Variants in SH3YL1 observed in about 807,000 individuals in gnomAD.
SH3YL1 encodes SH3 and SYLF domain containing 1, also known as SH3 domain-containing YSC84-like protein 1.
A neutral mutation model predicts 45.8 loss-of-function variants in SH3YL1; 41 were observed. That is an observed-to-expected ratio of 0.89 (90% CI 0.70 to 1.16). The LOEUF (loss-of-function observed/expected upper bound fraction) is 1.16. Ranked by LOEUF, SH3YL1 falls within the 50% of genes most tolerant of loss-of-function variation. The pLI is 0.00. For missense variants in SH3YL1, 389 were observed against 409.6 expected, an observed-to-expected ratio of 0.95 and a Z score of 0.43; for synonymous variants, 152 against 151.4, an observed-to-expected ratio of 1.00 and a Z score of -0.03.
intron 1 of SH3YL1, 119 bp downstream of exon 1, chr2:263,865 A>T: frequency 1.2e-6 from 1 of 845,828 alleles, no homozygotes; most frequent in Non-Finnish European, 1.9e-6. Flanking sequence ...TGCGGTTAAC[A>T]GACGCGCGAC....
At chr2:246,858 CA>C (rs758779452) in intron 4 of SH3YL1, among the ~76,000 whole-genome samples, 103 of 152,208 alleles carry the variant, frequency 6.8e-4, no homozygotes, top group Non-Finnish European at 1.2e-3. Flanking sequence ...AGGGAATTTA[CA>C]ACTATGTCAA....
intron 4 of SH3YL1, among the ~76,000 whole-genome samples, chr2:243,216 G>A (rs897766810): frequency 1.3e-5 from 2 of 152,050 alleles, no homozygotes. Flanking sequence ...CAATAACACA[G>A]AACACACATT....
At chr2:253,487 C>T (rs376259919) in intron 1 of SH3YL1, among the ~76,000 whole-genome samples, 5 of 152,220 alleles carry the variant, frequency 3.3e-5, no homozygotes, top group African/African-American at 1.2e-4. Flanking sequence ...CCAAAAGACA[C>T]TCCCACCAGC....
At position 247,568 on chromosome 2, in the gene SH3YL1, G is replaced by A. The variant is rs1668879509; in HGVS notation, c.261C>T (p.Gly87=). ...WSAPSAIGIA[G]LGGGFEIGIE... ...TTCCTATTTCAAATCCTCCACCAAG[G>A]CCAGCTATCCCAATGGCTGAGGGTG... Residue 87 remains glycine (G), a synonymous_variant, in exon 4 of 10, where the codon GGC becomes GGT. Coordinates refer to ENST00000356150, the MANE Select transcript of SH3YL1 (RefSeq NM_015677.4). 2.6e-6 allele frequency: 4 copies of A among 1,551,642 alleles called. No individual in the cohort carries two copies. In the East Asian group the frequency reaches 7.3e-5, roughly 28 times the overall value.
Position 232,013 on chromosome 2 carries a change from G to A in SH3YL1, c.534-822C>T, listed in dbSNP as rs538169636. Reference sequence around the variant, plus strand: ...TCTGCCACGCGTGGCGAATTTGAATGGCCAATGCCAGCAGTGCCAGCCGAT... The same window carrying A: ...TCTGCCACGCGTGGCGAATTTGAATAGCCAATGCCAGCAGTGCCAGCCGAT... On this transcript the variant is annotated intron_variant, in intron 6 of 9. Transcript: ENST00000356150. Among the ~76,000 whole-genome samples, 13 of 151,774 alleles carry A rather than the reference G, an allele frequency of 8.6e-5. No homozygotes were observed. In the South Asian group the frequency reaches 2.5e-3, roughly 29 times the overall value.
At position 230,941 on chromosome 2, in the gene SH3YL1, A is replaced by C. The variant is rs749645568; in HGVS notation, c.702+82T>G. The stretch of plus-strand genomic sequence containing the variant: ...TACGAAGGAGGCTTAGTAGGTTCTT[A>C]GGAACCTGATATCAGGGACAGAATG... On this transcript the variant is annotated intron_variant, in intron 7 of 9. Coordinates refer to ENST00000356150, the MANE Select transcript of SH3YL1 (RefSeq NM_015677.4). 10 of 1,392,916 alleles carry C rather than the reference A, an allele frequency of 7.2e-6. No homozygotes were observed. In the South Asian group the frequency reaches 1.1e-4, roughly 15 times the overall value. 86.3% of individuals were successfully genotyped at this position (1,392,916 alleles called of 1,614,324 possible).
intron 3 of SH3YL1, among the ~76,000 whole-genome samples, chr2:249,399 A>G: frequency 6.6e-6 from 1 of 152,256 alleles, no homozygotes; most frequent in East Asian, 1.9e-4. Context: ...CATGAAGTTG[A>G]GGAATAAGAA....
At chr2:253,502 T>C (rs1669170153) in intron 1 of SH3YL1, among the ~76,000 whole-genome samples, 1 of 152,232 alleles carries the variant, frequency 6.6e-6, no homozygotes, top group African/African-American at 2.4e-5. Flanking sequence ...ACCAGCGCCA[T>C]GACAGTTTAC....
intron 3 of SH3YL1, among the ~76,000 whole-genome samples, chr2:248,373 C>A (rs1668928130): frequency 6.6e-6 from 1 of 152,022 alleles, no homozygotes; most frequent in Non-Finnish European, 1.5e-5. Context: ...CCAGAACTAT[C>A]CTACCCAGGC....
Position 218,713 on chromosome 2 carries a change from G to GT in SH3YL1, c.*97dup, listed in dbSNP as rs1207224932. 9.0e-7 allele frequency: 1 copy of GT among 1,114,836 alleles called. No individual in the cohort carries two copies. The highest frequency in any genetic ancestry group is 1.2e-6 in the Non-Finnish European group (1 of 808,854). The allele number at this position is 1,114,836 out of a possible 1,614,324, so 69.1% of individuals were successfully genotyped here. ...GGAATGGAAATTTTGTAGAACAGAAGTTTTTTAAAATTTATATTAAACATT... is the reference window on the plus strand; with the variant it reads ...GGAATGGAAATTTTGTAGAACAGAAGTTTTTTTAAAATTTATATTAAACATT... On this transcript the variant is annotated 3_prime_UTR_variant, in exon 10 of 10. Coordinates refer to ENST00000356150, the MANE Select transcript of SH3YL1 (RefSeq NM_015677.4).
At chr2:259,056 C>A (rs1335306850) in intron 1 of SH3YL1, among the ~76,000 whole-genome samples, 1 of 152,192 alleles carries the variant, frequency 6.6e-6, no homozygotes, top group Non-Finnish European at 1.5e-5. Flanking sequence ...CCTTGTCCTG[C>A]AGTTTAGGAA....
At chr2:249,672 G>T (rs1668988090) in intron 3 of SH3YL1, 59 bp downstream of exon 3, 1 of 1,286,472 alleles carries the variant, frequency 7.8e-7, no homozygotes, top group African/African-American at 1.5e-5. Context: ...GTGTTCACAT[G>T]AAAACAGACA....
intron 1 of SH3YL1, among the ~76,000 whole-genome samples, chr2:254,640 G>A (rs1447847523): frequency 1.3e-5 from 2 of 152,208 alleles, no homozygotes; most frequent in South Asian, 4.1e-4. Flanking sequence ...TGAGCCAAGG[G>A]AAAAGTCAAG....
At chr2:219,302 C>T (rs2103013729) in intron 9 of SH3YL1, among the ~76,000 whole-genome samples, 1 of 152,276 alleles carries the variant, frequency 6.6e-6, no homozygotes, top group East Asian at 1.9e-4. Flanking sequence ...GTCTGAATGT[C>T]TGTGTCCCCC....
At chr2:227,802 A>G (rs1277759824) in intron 8 of SH3YL1, among the ~76,000 whole-genome samples, 1 of 152,066 alleles carries the variant, frequency 6.6e-6, no homozygotes, top group Non-Finnish European at 1.5e-5. Context: ...GTGAAATGGG[A>G]AAAGGAAGCA....
At chr2:250,003 C>G (rs149296988) in intron 2 of SH3YL1, among the ~76,000 whole-genome samples, 159 bp from the exon 3 acceptor site, 1 of 152,198 alleles carries the variant, frequency 6.6e-6, no homozygotes, top group Non-Finnish European at 1.5e-5. Flanking sequence ...CAGATGGGCA[C>G]GAGGCCTCTC....
intron 4 of SH3YL1, among the ~76,000 whole-genome samples, chr2:237,337 G>A (rs1318950697): frequency 6.6e-6 from 1 of 151,844 alleles, no homozygotes; most frequent in East Asian, 1.9e-4. Flanking sequence ...AGAGAATATT[G>A]TGTTTTTTGG....
intron 5 of SH3YL1, among the ~76,000 whole-genome samples, chr2:233,568 A>C (rs1668154825): frequency 6.6e-6 from 1 of 152,262 alleles, no homozygotes; most frequent in South Asian, 2.1e-4. Flanking sequence ...ACTGGGAAAT[A>C]CATCTCAAGA....
At chr2:249,188 T>C (rs1668965428) in intron 3 of SH3YL1, among the ~76,000 whole-genome samples, 1 of 152,206 alleles carries the variant, frequency 6.6e-6, no homozygotes, top group Non-Finnish European at 1.5e-5. Context: ...GGCAAATATT[T>C]TGATTTCATC....
Sources: allele counts gnomAD v4.1 joint callset (sites outside exome capture counted in the v4.1 genomes callset), GRCh38; gene constraint gnomAD v4.1.1; transcripts MANE v1.5; gene names NCBI Gene and HGNC (gene_info 2026-07-23, HGNC 2026-07-21).